The following DYNC1I1 variants were observed in gnomAD, a reference collection of about 807,000 sequenced individuals.
The protein encoded by DYNC1I1 is dynein cytoplasmic 1 intermediate chain 1, also known as cytoplasmic dynein 1 intermediate chain 1.
A neutral mutation model predicts 86.6 loss-of-function variants in DYNC1I1; 43 were observed. The observed-to-expected ratio is 0.50, with a 90% CI of 0.39 to 0.64. The LOEUF (loss-of-function observed/expected upper bound fraction) is 0.64, where lower values mean the gene tolerates loss of function less well. DYNC1I1 is among the 30% of genes least tolerant of loss of function. DYNC1I1 has a pLI of 0.00. For missense variants in DYNC1I1, 604 were observed against 788.8 expected (o/e 0.77, Z 2.81); for synonymous variants, 262 against 283.7 (o/e 0.92, Z 0.77).
At chr7:96,083,411 A>G (rs190743406) in intron 16 of DYNC1I1, among the ~76,000 whole-genome samples, 29 of 148,210 alleles carry the variant, frequency 2.0e-4, no homozygotes, top group Non-Finnish European at 4.1e-4. Flanking sequence ...TACTAAAAGG[A>G]AAAATGACTT....
Position 96,103,997 on chromosome 7 carries a change from A to T in DYNC1I1, c.1543-5982A>T, listed in dbSNP as rs578187358. On this transcript the variant is annotated intron_variant, in intron 16 of 16. Coordinates refer to the DYNC1I1 transcript ENST00000537881. Reference sequence around the variant, plus strand: ...TTTTAGCTATTTTGGTGAGCATGAAATGGTATCTAGCTGTGGTTTTAGTTT... The same window carrying T: ...TTTTAGCTATTTTGGTGAGCATGAATTGGTATCTAGCTGTGGTTTTAGTTT... 5.9e-5 allele frequency among the ~76,000 whole-genome samples: 9 copies of T among 152,274 alleles called. No homozygotes were observed. In the South Asian group the frequency reaches 1.7e-3, roughly 28 times the overall value.
At chr7:95,818,676 C>T (rs970835485) in intron 4 of DYNC1I1, 4 of 457,702 alleles carry the variant, frequency 8.7e-6, no homozygotes, top group African/African-American at 7.9e-5. Context: ...AGAAACAACA[C>T]CTGTGTATTT....
intron 6 of DYNC1I1, among the ~76,000 whole-genome samples, chr7:95,946,818 C>G (rs1421864649): frequency 6.6e-6 from 1 of 152,034 alleles, no homozygotes; most frequent in African/African-American, 2.4e-5. Context: ...GGAAGAAATG[C>G]AATAAATTGA....
intron 8 of DYNC1I1, 51 bp from the exon 9 acceptor site, chr7:95,987,005 C>A: frequency 6.6e-7 from 1 of 1,510,772 alleles, no homozygotes; most frequent in Non-Finnish European, 9.2e-7. Context: ...TCTATATGAG[C>A]AGCATAGAGA....
chr7:95,918,592 G>C (rs540651781), intron 6 of DYNC1I1, among the ~76,000 whole-genome samples: 92 of 152,296 alleles, frequency 6.0e-4, no homozygotes, highest in African/African-American at 2.1e-3. Context: ...CCATTTAGCA[G>C]TTGCCTTTTT....
chr7:96,028,700 A>T (rs1794739434), intron 11 of DYNC1I1, among the ~76,000 whole-genome samples: 1 of 152,218 alleles, frequency 6.6e-6, no homozygotes, highest in Non-Finnish European at 1.5e-5. Context: ...ACATCAAGGG[A>T]TGATATATGG....
chr7:95,932,736 A>T (rs2116414598), intron 6 of DYNC1I1, among the ~76,000 whole-genome samples: 1 of 152,284 alleles, frequency 6.6e-6, no homozygotes, highest in East Asian at 1.9e-4. Flanking sequence ...GGTTTCGATC[A>T]TGGCTTAGCT....
At chr7:96,005,995 C>T (rs566486863) in intron 10 of DYNC1I1, among the ~76,000 whole-genome samples, 31 of 152,196 alleles carry the variant, frequency 2.0e-4, no homozygotes, top group African/African-American at 7.5e-4. Context: ...TCTCTGGCAG[C>T]AAGGACACAT....
At chr7:96,065,378 CTTTTTTTT>C (rs34423655) in intron 14 of DYNC1I1, among the ~76,000 whole-genome samples, 1 of 127,584 alleles carries the variant, frequency 7.8e-6, no homozygotes, top group African/African-American at 3.0e-5. Context: ...TTCTTTCTTT[CTTTTTTTT>C]TTTTTTTTTG....
At chr7:96,023,106 A>G (rs954328089) in intron 10 of DYNC1I1, among the ~76,000 whole-genome samples, 2 of 152,164 alleles carry the variant, frequency 1.3e-5, no homozygotes, top group South Asian at 2.1e-4. Flanking sequence ...TACTCGCAGA[A>G]ATAGCTACTA....
chr7:96,091,026 C>T lies in DYNC1I1; in HGVS notation c.1777-6457C>T, dbSNP rs574452493. 2.0e-5 allele frequency among the ~76,000 whole-genome samples: 3 copies of T among 152,282 alleles called. No homozygotes were observed. The South Asian group carries it at 6.2e-4, about 32-fold the overall frequency. Reference sequence around the variant, plus strand: ...CTGTTTCATTGCATATTACCTCCCACTTTGCTCCCATCTGTGTGTGTGGTA... The same window carrying T: ...CTGTTTCATTGCATATTACCTCCCATTTTGCTCCCATCTGTGTGTGTGGTA... On this transcript the variant is annotated intron_variant, in intron 16 of 16. Transcript: ENST00000447467.
intron 4 of DYNC1I1, chr7:95,818,614 G>T: frequency 1.7e-6 from 1 of 580,990 alleles, no homozygotes; most frequent in South Asian, 2.3e-5. Flanking sequence ...CCAAAGTGCT[G>T]AGATTACAGG....
intron 5 of DYNC1I1, among the ~76,000 whole-genome samples, chr7:95,838,472 T>A (rs1310450656): frequency 6.6e-6 from 1 of 152,212 alleles, no homozygotes; most frequent in Non-Finnish European, 1.5e-5. Flanking sequence ...AATCAAGCAG[T>A]GTGATACCTC....
At chr7:96,039,474 T>C in intron 14 of DYNC1I1, 53 bp downstream of exon 14, 1 of 1,608,656 alleles carries the variant, frequency 6.2e-7, no homozygotes, top group Non-Finnish European at 8.5e-7. Context: ...CAGAGGATGG[T>C]TTTTCATTCC....
At chr7:96,022,941 G>C (rs1274068258) in intron 10 of DYNC1I1, among the ~76,000 whole-genome samples, 1 of 151,988 alleles carries the variant, frequency 6.6e-6, no homozygotes, top group Non-Finnish European at 1.5e-5. Context: ...TTAAGTGCCT[G>C]ACCCATGACT....
At chr7:95,836,238 G>C (rs1405030930) in intron 5 of DYNC1I1, among the ~76,000 whole-genome samples, 1 of 152,032 alleles carries the variant, frequency 6.6e-6, no homozygotes, top group Non-Finnish European at 1.5e-5. Context: ...ATGAAGCTTA[G>C]TTTGGCTGGA....
chr7:95,786,284 G>A (rs917379069), intron 1 of DYNC1I1, among the ~76,000 whole-genome samples: 8 of 151,826 alleles, frequency 5.3e-5, no homozygotes, highest in East Asian at 3.9e-4. Context: ...CCCAAACATC[G>A]GCCACTTCCA....
intron 6 of DYNC1I1, among the ~76,000 whole-genome samples, chr7:95,975,530 T>A (rs1401758450): frequency 1.3e-5 from 2 of 152,196 alleles, no homozygotes; most frequent in Non-Finnish European, 2.9e-5. Context: ...ATGGCACCAG[T>A]CATGTTGGAT....
chr7:95,790,342 T>C (rs186766139), intron 1 of DYNC1I1, among the ~76,000 whole-genome samples: 45 of 152,332 alleles, frequency 3.0e-4, no homozygotes, highest in Non-Finnish European at 5.9e-5. Flanking sequence ...TTGTACTCAC[T>C]GTTCCATCCA....
Sources: allele counts gnomAD v4.1 joint callset (sites outside exome capture counted in the v4.1 genomes callset), GRCh38; gene constraint gnomAD v4.1.1; transcripts MANE v1.5; gene names NCBI Gene and HGNC (gene_info 2026-07-23, HGNC 2026-07-21).